The following SPOCK2 variants were observed in gnomAD, a reference collection of about 807,000 sequenced individuals.
SPOCK2 encodes SPARC (osteonectin), cwcv and kazal like domains proteoglycan 2, also known as testican-2.
A neutral mutation model predicts 60.1 loss-of-function variants in SPOCK2; 39 were observed. That is an observed-to-expected ratio of 0.65 (90% CI 0.50 to 0.85). The LOEUF is 0.85. Among genes scored for constraint, SPOCK2 ranks in the 40% least tolerant of loss-of-function variants. SPOCK2 has a pLI of 0.00. For synonymous variants in SPOCK2, 217 were observed against 231.5 expected (o/e 0.94, Z 0.57); for missense variants, 523 against 567.4 (o/e 0.92, Z 0.80).
At chr10:72,082,410 G>T (rs1418715721) in intron 1 of SPOCK2, among the ~76,000 whole-genome samples, 3 of 152,230 alleles carry the variant, frequency 2.0e-5, no homozygotes, top group Admixed American at 2.0e-4. Context: ...CAGAGACGGG[G>T]TTGTGGACTG....
intron 5 of SPOCK2, chr10:72,068,720 C>T (rs111338628): frequency 6.1e-5 from 11 of 181,522 alleles, no homozygotes; most frequent in African/African-American, 2.1e-4. Context: ...CAATGATCTC[C>T]CCCCAGTCAC....
In SPOCK2 at chr10:72,067,063, T is replaced by C. The variant is rs771669238; in HGVS notation, c.767A>G (p.Lys256Arg). 28 of 1,614,114 alleles carry C rather than the reference T, an allele frequency of 1.7e-5. No homozygotes were observed. The East Asian group carries it at 5.6e-4, about 32-fold the overall frequency. ...GAAGAGGTCAGCACTGGTGTCCAGC[T>C]TGGAGAACATCCAGCCAATGGAGTC... ...CKDSIGWMFS[K>R]LDTSADLFLD... The change falls in exon 8 of 11, where the codon AAG (lysine) becomes AGG (arginine). Residue 256 changes from lysine (K) to arginine (R), a missense_variant. Lys to Arg is a conservative substitution (Grantham distance 26, BLOSUM62 2). Transcript: ENST00000373109.
intron 9 of SPOCK2, 81 bp from the exon 10 acceptor site, chr10:72,063,243 G>A (rs1032571766): frequency 1.3e-6 from 2 of 1,529,042 alleles, no homozygotes; most frequent in Admixed American, 2.0e-5. Flanking sequence ...AGGTCCTCAT[G>A]CATGAGCAGA....
rs1840459685 is a variant in SPOCK2 at position 72,059,138 on chromosome 10, A to G, written c.*3622T>C. The G allele has an allele frequency of 6.5e-6, 1 of 152,734 alleles. No homozygotes were observed. The highest frequency in any genetic ancestry group is 1.5e-5 in the Non-Finnish European group (1 of 68,080). The allele number at this position is 152,734 out of a possible 1,614,324, so 9.5% of individuals were successfully genotyped here. A position where few individuals can be genotyped will look rare whatever the true frequency, so the allele number is the denominator to read the frequency against. On this transcript the variant is annotated 3_prime_UTR_variant, in exon 11 of 11. Transcript: ENST00000373109. Reference sequence around the variant, plus strand: ...TTTCCTTAGGCTGAGTAATAGGCAGATAAAGACGACACGAGGCAGGGTCCC... The same window carrying G: ...TTTCCTTAGGCTGAGTAATAGGCAGGTAAAGACGACACGAGGCAGGGTCCC...
chr10:72,062,928 G>A lies in SPOCK2; in HGVS notation c.1130-23C>T. On this transcript the variant is annotated intron_variant, in intron 10 of 10. Transcript: ENST00000373109. This position sits in a 1 kb window ranked among gnomAD's most constrained non-coding sequence, Gnocchi z 4.3. Reference sequence around the variant, plus strand: ...CATCTGTGAGGGGATCAAGCCAACAGGGGGTGAGGGAGCTTCTGGCACGCA... The same window carrying A: ...CATCTGTGAGGGGATCAAGCCAACAAGGGGTGAGGGAGCTTCTGGCACGCA... The A allele has an allele frequency of 6.3e-7, 1 of 1,595,106 alleles. No homozygotes were observed. The highest frequency in any genetic ancestry group is 1.7e-5 in the Admixed American group (1 of 58,264).
At position 72,070,392 on chromosome 10, in the gene SPOCK2, T is replaced by C; in HGVS notation, c.394A>G (p.Lys132Glu). ...TGGCAGGGCTTGCAGATGGAGTCTTTGTTTCCATGGAGTTTCACGGTCGGC... is the reference window on the plus strand; with the variant it reads ...TGGCAGGGCTTGCAGATGGAGTCTTCGTTTCCATGGAGTTTCACGGTCGGC... ...KQPTVKLHGN[K>E]DSICKPCHMA... The change falls in exon 5 of 11, where the codon AAA becomes GAA. Residue 132 changes from lysine (K) to glutamate (E), a missense_variant. Physicochemically the swap from Lys to Glu is moderately conservative, Grantham distance 56 (BLOSUM62 1). Coordinates refer to ENST00000373109, the MANE Select transcript of SPOCK2 (RefSeq NM_001244950.2). The C allele has an allele frequency of 1.9e-6, 3 of 1,614,160 alleles. No homozygotes were observed. Among genetic ancestry groups the C allele is most frequent in the Non-Finnish European group, 2.5e-6 (3 of 1,180,020 alleles).
At chr10:72,080,624 T>C (rs1260561665) in intron 1 of SPOCK2, among the ~76,000 whole-genome samples, 2 of 132,236 alleles carry the variant, frequency 1.5e-5, no homozygotes, top group Admixed American at 7.1e-5. Flanking sequence ...GGCTGGGAAG[T>C]GGGGGGCAGA....
In SPOCK2 at chr10:72,067,090, T is replaced by G. The variant is rs899823512; in HGVS notation, c.740A>C (p.Lys247Thr). ...GLDKSLGASC[K>T]DSIGWMFSKL... The stretch of plus-strand genomic sequence containing the variant: ...GGAGAACATCCAGCCAATGGAGTCC[T>G]TGCAGCTGGCCCCCAGGCTCTTGTC... Residue 247 changes from lysine (K) to threonine (T), a missense_variant, in exon 8 of 11, where the codon AAG becomes ACG. By Grantham distance (78) the Lys-to-Thr change is moderately conservative. Coordinates refer to ENST00000373109, the MANE Select transcript of SPOCK2 (RefSeq NM_001244950.2). The G allele has an allele frequency of 5.6e-6, 9 of 1,613,984 alleles. No homozygotes were observed. The Middle Eastern group carries it at 8.2e-4, about 148-fold the overall frequency.
At chr10:72,066,708 G>C (rs369794441) in intron 8 of SPOCK2, among the ~76,000 whole-genome samples, 194 bp downstream of exon 8, 103 of 152,272 alleles carry the variant, frequency 6.8e-4, no homozygotes, top group African/African-American at 2.4e-3. Context: ...CCAAGGAAGG[G>C]AGCTGAAAGT....
At chr10:72,084,491 G>T (rs1840829909) in intron 1 of SPOCK2, among the ~76,000 whole-genome samples, 1 of 152,172 alleles carries the variant, frequency 6.6e-6, no homozygotes, top group African/African-American at 2.4e-5. Context: ...TAGGCTATAG[G>T]CAGGCTGCTG....
chr10:72,078,381 G>A (rs913342821), intron 1 of SPOCK2, among the ~76,000 whole-genome samples: 2 of 151,776 alleles, frequency 1.3e-5, no homozygotes, highest in Non-Finnish European at 2.9e-5. Context: ...TGTGATGGCG[G>A]GCGCCTGTAG....
chr10:72,068,389 G>A, intron 5 of SPOCK2, 88 bp from the exon 6 acceptor site: 2 of 1,343,540 alleles, frequency 1.5e-6, no homozygotes, highest in Non-Finnish European at 2.0e-6. Flanking sequence ...TCTCATGGCA[G>A]CCACATCTGC....
In SPOCK2 at chr10:72,066,944, G is replaced by C. The variant is rs1042877524; in HGVS notation, c.886C>G (p.Arg296Gly). 6 of 1,614,042 alleles carry C rather than the reference G, an allele frequency of 3.7e-6. No homozygotes were observed. Among genetic ancestry groups the C allele is most frequent in the Non-Finnish European group, 5.1e-6 (6 of 1,180,042 alleles). ...FNSCDTYKDG[R>G]VSTAEWCFCF... ...AAGCACCACTCAGCAGTAGAGACCC[G>C]GCCATCCTTGTAGGTGTCACAGGAG... The change falls in exon 8 of 11, where the codon CGG (arginine) becomes GGG (glycine). Residue 296 changes from arginine (R) to glycine (G), a missense_variant. Physicochemically the swap from Arg to Gly is moderately radical, Grantham distance 125. Coordinates refer to ENST00000373109, the MANE Select transcript of SPOCK2 (RefSeq NM_001244950.2).
At chr10:72,074,479 T>C (rs1840689353) in intron 1 of SPOCK2, among the ~76,000 whole-genome samples, 1 of 152,272 alleles carries the variant, frequency 6.6e-6, no homozygotes, top group Non-Finnish European at 1.5e-5. Flanking sequence ...TTTGTGTGTA[T>C]GCACATCCTC....
In SPOCK2 at chr10:72,067,807, C is replaced by A. The variant is rs1251421085; in HGVS notation, c.590-75G>T. The A allele has an allele frequency of 3.2e-6, 5 of 1,556,348 alleles. No individual in the cohort carries two copies. The African/African-American group carries it at 6.8e-5, about 21-fold the overall frequency. ...GGCTCGATCTCAGTCTGGGATCCTG[C>A]CCTACAGGCCAGGAGGCTGGGCAGG... On this transcript the variant is annotated intron_variant, in intron 6 of 10. Transcript: ENST00000373109.
intron 2 of SPOCK2, 59 bp downstream of exon 2, chr10:72,072,843 G>A (rs1300769289): frequency 1.3e-5 from 20 of 1,551,282 alleles, no homozygotes; most frequent in East Asian, 9.8e-5. Context: ...AGGGACACAG[G>A]AGGGGAGGGG....
intron 1 of SPOCK2, among the ~76,000 whole-genome samples, chr10:72,080,959 G>A (rs531289576): frequency 1.3e-5 from 2 of 152,168 alleles, no homozygotes; most frequent in East Asian, 3.9e-4. Flanking sequence ...GTCCATAAAG[G>A]GCAGAGAACA....
intron 5 of SPOCK2, chr10:72,069,219 G>A (rs1054391053): frequency 6.4e-6 from 1 of 156,076 alleles, no homozygotes; most frequent in South Asian, 1.9e-4. Context: ...CCTCCTAAAT[G>A]CAGCCTCTGC....
chr10:72,068,961 T>C (rs1418178912), intron 5 of SPOCK2: 1 of 152,202 alleles, frequency 6.6e-6, no homozygotes, highest in African/African-American at 2.4e-5. Context: ...GAGGCTTGGG[T>C]TTCTCCTGCT....
Sources: allele counts gnomAD v4.1 joint callset (sites outside exome capture counted in the v4.1 genomes callset), GRCh38; gene constraint gnomAD v4.1.1; non-coding constraint Gnocchi (gnomAD v3.1); transcripts MANE v1.5; gene names NCBI Gene and HGNC (gene_info 2026-07-23, HGNC 2026-07-21).